BMS1: variants seen among roughly 807,000 people sequenced by gnomAD.
The protein encoded by BMS1 is BMS1 ribosome biogenesis factor.
In BMS1, 53 loss-of-function variants were observed where a neutral mutation model predicts 138.7. The observed-to-expected ratio is 0.38, with a 90% CI of 0.31 to 0.48. The LOEUF (loss-of-function observed/expected upper bound fraction) is 0.48, where lower values mean the gene tolerates loss of function less well. Ranked by LOEUF, BMS1 falls within the 20% of genes least tolerant of loss-of-function variation. BMS1 has a pLI of 0.97. For missense variants in BMS1, 1,360 were observed against 1,565.5 expected (o/e 0.87, Z 2.22); for synonymous variants, 504 against 539.9 (o/e 0.93, Z 0.92).
In BMS1 at chr10:42,798,316, G is replaced by A. The variant is rs576820326; in HGVS notation, c.2090-152G>A. On this transcript the variant is annotated intron_variant, in intron 11 of 22. Transcript: ENST00000374518. ...TCTGTGGCTGCCCTGCCCTCTCAAT[G>A]CCTAACTCTTATGTGGCCATTGCCA... 7.9e-6 allele frequency: 7 copies of A among 890,606 alleles called. No individual in the cohort carries two copies. In the African/African-American group the frequency reaches 1.2e-4, roughly 15 times the overall value. 55.2% of individuals were successfully genotyped at this position (890,606 alleles called of 1,614,324 possible).
At chr10:42,820,811 G>T in intron 17 of BMS1, 123 bp downstream of exon 17, 2 of 1,322,904 alleles carry the variant, frequency 1.5e-6, no homozygotes, top group Admixed American at 2.0e-5. Flanking sequence ...TTCTGGGAGC[G>T]GGGAGGTGGT....
rs1398717921 is a variant in BMS1, at chr10:42,834,039, C to G, written c.*2943C>G. The G allele has an allele frequency of 1.3e-5, 2 of 152,202 alleles. No homozygotes were observed. The highest frequency in any genetic ancestry group is 2.9e-5 in the Non-Finnish European group (2 of 68,036). The allele number at this position is 152,202 out of a possible 1,614,324, so 9.4% of individuals were successfully genotyped here. A position where few individuals can be genotyped will look rare whatever the true frequency, so the allele number is the denominator to read the frequency against. On this transcript the variant is annotated 3_prime_UTR_variant, in exon 23 of 23. Coordinates refer to ENST00000374518, the MANE Select transcript of BMS1 (RefSeq NM_014753.4). ...TAACAATGTTTATAGAAACCTTTCTCAATTGTATTAAACTTTGTAAATTGT... is the reference window on the plus strand; with the variant it reads ...TAACAATGTTTATAGAAACCTTTCTGAATTGTATTAAACTTTGTAAATTGT...
In BMS1 at chr10:42,823,601, C is replaced by T; in HGVS notation, c.3281-8C>T. The T allele has an allele frequency of 6.6e-7, 1 of 1,520,524 alleles. No homozygotes were observed. 94.2% of individuals were successfully genotyped at this position (1,520,524 alleles called of 1,614,324 possible). ...GAAAATGTTAAAGTAAATTACCTCT[C>T]TTTTCAGATATTGTCTTCATGCGAA... On this transcript the variant is annotated splice_region_variant and splice_polypyrimidine_tract_variant and intron_variant, in intron 20 of 22. Transcript: ENST00000374518.
chr10:42,828,506 A>G (rs1842718122), intron 21 of BMS1, among the ~76,000 whole-genome samples: 1 of 152,042 alleles, frequency 6.6e-6, no homozygotes. Context: ...TTCAGTGTGG[A>G]GGCTTCTGTG....
At position 42,797,234 on chromosome 10, in the gene BMS1, A is replaced by C. The variant is rs1384912571; in HGVS notation, c.1987+3A>C. ...TAATGATTCCAAAGAAACGTCAGGT[A>C]AGCTTAAATGTAGTTGGTTGCTGCT... On this transcript the variant is annotated splice_donor_region_variant and intron_variant, in intron 10 of 22. Coordinates refer to ENST00000374518, the MANE Select transcript of BMS1 (RefSeq NM_014753.4). The C allele has an allele frequency of 6.2e-7, 1 of 1,602,610 alleles. No individual in the cohort carries two copies. The highest frequency in any genetic ancestry group is 1.3e-5 in the African/African-American group (1 of 74,110).
At chr10:42,815,200 G>A (rs184776774) in intron 13 of BMS1, among the ~76,000 whole-genome samples, 1 of 152,124 alleles carries the variant, frequency 6.6e-6, no homozygotes, top group Non-Finnish European at 1.5e-5. Context: ...TTCAAATGAG[G>A]ACATATCATT....
In BMS1 at chr10:42,796,736, T is replaced by C. The variant is rs747742599; in HGVS notation, c.1492T>C (p.Leu498=). 4.3e-6 allele frequency: 7 copies of C among 1,614,180 alleles called. No individual in the cohort carries two copies. Among genetic ancestry groups the C allele is most frequent in the Non-Finnish European group, 5.9e-6 (7 of 1,180,020 alleles). Residue 498 remains leucine (L), a synonymous_variant, in exon 10 of 23, where the codon TTG becomes CTG. Coordinates refer to ENST00000374518, the MANE Select transcript of BMS1 (RefSeq NM_014753.4). ...GTTGGAAGAAGACAGTGAAATGGAT[T>C]TGCCAGCATTTGCTGACAGTGACGA... The part of the protein sequence containing the change: ...LELEEDSEMD[L]PAFADSDDDL...
intron 21 of BMS1, among the ~76,000 whole-genome samples, chr10:42,828,409 A>G (rs190037064): frequency 1.4e-4 from 22 of 152,256 alleles, no homozygotes; most frequent in African/African-American, 4.8e-4. Flanking sequence ...AGGTCTGGAT[A>G]TGGGACTTGC....
rs1226450687 is a variant in BMS1 at position 42,820,262 on chromosome 10, A to T, written c.2607A>T (p.Gln869His). Residue 869 changes from glutamine to histidine, a missense_variant, in exon 16 of 23, where the codon CAA becomes CAT. Around this residue, in one of 3 missense-constraint regions of BMS1, gnomAD observed 425 missense variants for 568.3 expected, o/e 0.75. Transcript: ENST00000374518. Reference sequence around the variant, plus strand: ...TGAATCGCGCAGAATTTGAAGATCAAGATGATGAAGCCAGAGTTCAGTATG... The same window carrying T: ...TGAATCGCGCAGAATTTGAAGATCATGATGATGAAGCCAGAGTTCAGTATG... ...AQLNRAEFEDQDDEARVQYEG... is the reference protein window; with the variant it reads ...AQLNRAEFEDHDDEARVQYEG... The T allele has an allele frequency of 6.2e-7, 1 of 1,613,062 alleles. No individual in the cohort carries two copies. The highest frequency in any genetic ancestry group is 2.2e-5 in the East Asian group (1 of 44,886).
At chr10:42,827,031 T>G (rs1172698533) in intron 21 of BMS1, among the ~76,000 whole-genome samples, 1 of 152,132 alleles carries the variant, frequency 6.6e-6, no homozygotes, top group East Asian at 1.9e-4. Flanking sequence ...AGGTGGGGCC[T>G]AGTGGGAGGT....
At chr10:42,790,618 C>A in intron 5 of BMS1, 107 bp downstream of exon 5, 1 of 1,215,014 alleles carries the variant, frequency 8.2e-7, no homozygotes. Flanking sequence ...CTTTGCAAGG[C>A]AGAGGCGGTC....
chr10:42,794,880 A>G (rs561328161), intron 9 of BMS1, among the ~76,000 whole-genome samples: 6 of 152,014 alleles, frequency 3.9e-5, no homozygotes, highest in African/African-American at 1.4e-4. Context: ...GTCATCTAGC[A>G]TTAGGTATAT....
intron 21 of BMS1, among the ~76,000 whole-genome samples, chr10:42,825,774 T>TC (rs1226367061): frequency 2.6e-5 from 4 of 152,226 alleles, no homozygotes; most frequent in African/African-American, 9.6e-5. Flanking sequence ...GCCTTTTTTT[T>TC]CTCATCTGAT....
intron 9 of BMS1, among the ~76,000 whole-genome samples, chr10:42,795,142 T>G (rs1002693400): frequency 6.6e-6 from 1 of 150,720 alleles, no homozygotes; most frequent in African/African-American, 2.4e-5. Context: ...ATGTGCCACA[T>G]TTTCTTAATC....
intron 12 of BMS1, 134 bp from the exon 13 acceptor site, chr10:42,802,003 G>A: frequency 1.7e-6 from 1 of 587,854 alleles, no homozygotes; most frequent in Non-Finnish European, 3.0e-6. Context: ...GTTATTTTCT[G>A]GGCTCATTTG....
intron 9 of BMS1, among the ~76,000 whole-genome samples, chr10:42,795,384 A>G (rs1186175358): frequency 1.3e-5 from 2 of 151,168 alleles, no homozygotes; most frequent in African/African-American, 4.9e-5. Context: ...CAGTGGTATG[A>G]TCTTGGCTCA....
chr10:42,811,398 T>C (rs1267044762), intron 13 of BMS1, among the ~76,000 whole-genome samples: 3 of 151,852 alleles, frequency 2.0e-5, no homozygotes, highest in Non-Finnish European at 2.9e-5. Context: ...TATTTTGTTC[T>C]TTTTGAAATT....
At chr10:42,796,061 A>G (rs1841673831) in intron 9 of BMS1, among the ~76,000 whole-genome samples, 1 of 152,216 alleles carries the variant, frequency 6.6e-6, no homozygotes, top group African/African-American at 2.4e-5. Flanking sequence ...TTTCTGACAG[A>G]ACAAGAGGAT....
intron 13 of BMS1, among the ~76,000 whole-genome samples, chr10:42,812,240 G>A (rs910904607): frequency 1.3e-5 from 2 of 152,188 alleles, no homozygotes; most frequent in African/African-American, 4.8e-5. Context: ...TGACCTCCTA[G>A]GCTCAAGCAG....
Sources: allele counts gnomAD v4.1 joint callset (sites outside exome capture counted in the v4.1 genomes callset), GRCh38; gene constraint gnomAD v4.1.1; regional missense constraint gnomAD v4.1.1; transcripts MANE v1.5; gene names NCBI Gene and HGNC (gene_info 2026-07-23, HGNC 2026-07-21).